The following MYO1E variants were observed in gnomAD, a reference collection of about 807,000 sequenced individuals.
MYO1E encodes the protein myosin IE, also known as unconventional myosin-Ie.
MYO1E carries 68 observed loss-of-function variants against 151.1 expected under a neutral mutation model. The observed-to-expected ratio is 0.45, with a 90% CI of 0.37 to 0.55. The LOEUF is 0.55. MYO1E is among the 20% of genes least tolerant of loss of function. The pLI is 0.00. For missense variants in MYO1E, 1,363 were observed against 1,389.3 expected, an observed-to-expected ratio of 0.98 and a Z score of 0.30; for synonymous variants, 601 against 501.7, an observed-to-expected ratio of 1.20 and a Z score of -2.64.
chr15:59,152,658 T>C (rs2079488679), intron 26 of MYO1E, among the ~76,000 whole-genome samples: 1 of 152,158 alleles, frequency 6.6e-6, no homozygotes, highest in South Asian at 2.1e-4. Context: ...TAATTTCTAG[T>C]CCTCCCAACA....
intron 14 of MYO1E, chr15:59,208,269 T>G (rs1873913578): frequency 3.3e-6 from 2 of 606,928 alleles, no homozygotes; most frequent in African/African-American, 1.9e-5. Context: ...CGATACTTAT[T>G]TACAATTCCT....
chr15:59,277,561 A>AAACAACAACAAC (rs1555416375), intron 1 of MYO1E, among the ~76,000 whole-genome samples: 5,981 of 145,802 alleles, frequency 0.041, 207 homozygotes, highest in African/African-American at 0.086. Flanking sequence ...AAAAAAAAAA[A>AAACAACAACAAC]AAAAAAAAAA....
chr15:59,356,606 G>C (rs932080918), intron 1 of MYO1E, among the ~76,000 whole-genome samples: 1 of 152,134 alleles, frequency 6.6e-6, no homozygotes, highest in East Asian at 1.9e-4. Context: ...GGGGTTTTTT[G>C]TTGTTGTTTT....
chr15:59,371,850 G>A (rs1230897031), intron 1 of MYO1E, among the ~76,000 whole-genome samples: 4 of 151,640 alleles, frequency 2.6e-5, no homozygotes, highest in African/African-American at 4.8e-5. Context: ...GCCCGCGCCC[G>A]AGTCTCCCTG....
At chr15:59,326,942 A>C (rs2080668507) in intron 1 of MYO1E, among the ~76,000 whole-genome samples, 1 of 152,218 alleles carries the variant, frequency 6.6e-6, no homozygotes, top group Non-Finnish European at 1.5e-5. Context: ...ACAGCAAGTC[A>C]GGGAACCACT....
Position 59,224,737 on chromosome 15 carries a change from T to A in MYO1E, c.729A>T (p.Ser243=). The A allele has an allele frequency of 1.2e-6, 2 of 1,614,250 alleles. No homozygotes were observed. Among genetic ancestry groups the A allele is most frequent in the Non-Finnish European group, 1.7e-6 (2 of 1,180,050 alleles). ...TGTCGTCAATGTCATCAACCTTGTA[T>A]GAGCCCGAGAGGCTCAGGTAGTAAT... ...DYYYYLSLSG[S]YKVDDIDDRR... is the part of the protein sequence containing the mutation. The change falls in exon 8 of 28, where the codon TCA becomes TCT. Residue 243 remains serine, a synonymous_variant. Transcript: ENST00000288235.
chr15:59,163,017 G>C lies in MYO1E; in HGVS notation c.2627+140C>G. On this transcript the variant is annotated intron_variant, in intron 23 of 27. Transcript: ENST00000288235. The stretch of plus-strand genomic sequence containing the variant: ...CTACTATCCAGACTGTCTTCTGCAG[G>C]CTCTAAGGTTCCACTGGGGCCAGCC... 5.6e-6 allele frequency: 5 copies of C among 893,546 alleles called. No homozygotes were observed. The South Asian group carries it at 7.4e-5, about 13-fold the overall frequency. 55.4% of individuals were successfully genotyped at this position (893,546 alleles called of 1,614,324 possible). A position where few individuals can be genotyped will look rare whatever the true frequency, so the allele number is the denominator to read the frequency against.
rs1007745263 is a variant in MYO1E, at chr15:59,223,608, C to T, written c.778-417G>A. ...TGTGTTCTTGTTGCCAGCTTCCCCTCGAAGGTCGCTGCTGACCTTTCCACC... is the reference window on the plus strand; with the variant it reads ...TGTGTTCTTGTTGCCAGCTTCCCCTTGAAGGTCGCTGCTGACCTTTCCACC... On this transcript the variant is annotated intron_variant, in intron 8 of 27. Transcript: ENST00000288235. Among the ~76,000 whole-genome samples the T allele has an allele frequency of 3.3e-5, 5 of 152,290 alleles. No homozygotes were observed. In the East Asian group the frequency reaches 5.8e-4, roughly 18 times the overall value.
At chr15:59,178,836 A>G (rs1205307136) in intron 18 of MYO1E, among the ~76,000 whole-genome samples, 1 of 152,210 alleles carries the variant, frequency 6.6e-6, no homozygotes, top group Admixed American at 6.5e-5. Flanking sequence ...GCATTGTGGA[A>G]GGCCACCAGG....
intron 9 of MYO1E, among the ~76,000 whole-genome samples, chr15:59,222,619 T>C (rs116168981): frequency 7.2e-5 from 11 of 152,360 alleles, no homozygotes; most frequent in African/African-American, 2.4e-4. Context: ...GAGCTTCCCA[T>C]ATTTACATAT....
chr15:59,156,074 G>A (rs919545578), intron 25 of MYO1E, among the ~76,000 whole-genome samples: 5 of 152,352 alleles, frequency 3.3e-5, no homozygotes, highest in Non-Finnish European at 5.9e-5. Context: ...TCAGGCTGGA[G>A]TGCAGTGGCA....
chr15:59,301,695 G>C (rs2080483447), intron 1 of MYO1E, among the ~76,000 whole-genome samples: 2 of 152,182 alleles, frequency 1.3e-5, no homozygotes, highest in South Asian at 4.1e-4. Flanking sequence ...AGAGAGAAGA[G>C]GCTTAGCACT....
chr15:59,367,253 T>G (rs1344207555), intron 1 of MYO1E, among the ~76,000 whole-genome samples: 3 of 152,196 alleles, frequency 2.0e-5, no homozygotes, highest in African/African-American at 7.2e-5. Context: ...GCTCATCACA[T>G]GCCCACACTA....
intron 1 of MYO1E, among the ~76,000 whole-genome samples, chr15:59,301,799 G>GT (rs2080484284): frequency 1.3e-5 from 2 of 152,156 alleles, no homozygotes; most frequent in African/African-American, 4.8e-5. Flanking sequence ...TAACTCTTTT[G>GT]TTTCCAACCT....
At chr15:59,306,420 A>T (rs1185546798) in intron 1 of MYO1E, among the ~76,000 whole-genome samples, 1 of 152,236 alleles carries the variant, frequency 6.6e-6, no homozygotes, top group East Asian at 1.9e-4. Flanking sequence ...CTGAACGAAT[A>T]TATGTTTTAA....
At chr15:59,211,752 CT>C (rs2079880758) in intron 12 of MYO1E, among the ~76,000 whole-genome samples, 1 of 152,174 alleles carries the variant, frequency 6.6e-6, no homozygotes, top group African/African-American at 2.4e-5. Flanking sequence ...CGTGATTGCT[CT>C]TTCTTTCTTG....
Position 59,135,215 on chromosome 15 carries a change from T to G in MYO1E, c.*2165A>C, listed in dbSNP as rs1336781064. The G allele has an allele frequency of 6.6e-6, 1 of 152,150 alleles. No homozygotes were observed. The highest frequency in any genetic ancestry group is 1.5e-5 in the Non-Finnish European group (1 of 68,038). 9.4% of individuals were successfully genotyped at this position (152,150 alleles called of 1,614,324 possible). On this transcript the variant is annotated 3_prime_UTR_variant, in exon 28 of 28. Coordinates refer to ENST00000288235, the MANE Select transcript of MYO1E (RefSeq NM_004998.4). ...GGTCTGTGATTTCCATGGATGAGGGTGTTACTCGTGGGGGTTTAACTCAGT... is the reference window on the plus strand; with the variant it reads ...GGTCTGTGATTTCCATGGATGAGGGGGTTACTCGTGGGGGTTTAACTCAGT...
chr15:59,221,418 C>T (rs2079955564), intron 9 of MYO1E, among the ~76,000 whole-genome samples: 2 of 152,082 alleles, frequency 1.3e-5, no homozygotes, highest in African/African-American at 4.8e-5. Flanking sequence ...TTTTGGAACA[C>T]ACATCCTTTA....
Position 59,354,641 on chromosome 15 carries a change from A to C in MYO1E, c.3+17857T>G, listed in dbSNP as rs557742594. ...ATGGTGCCCAGGTGGGCACCATTGC[A>C]ATGGCTCTTTGTTCGGAGTTGGGAG... is the stretch of plus-strand genomic sequence containing the variant. On this transcript the variant is annotated intron_variant, in intron 1 of 27. Transcript: ENST00000288235. Among the ~76,000 whole-genome samples the C allele has an allele frequency of 1.2e-4, 18 of 152,254 alleles. No individual in the cohort carries two copies. The South Asian group carries it at 3.5e-3, about 30-fold the overall frequency.
Sources: allele counts gnomAD v4.1 joint callset (sites outside exome capture counted in the v4.1 genomes callset), GRCh38; gene constraint gnomAD v4.1.1; transcripts MANE v1.5; gene names NCBI Gene and HGNC (gene_info 2026-07-23, HGNC 2026-07-21).